ISM2: variants seen among roughly 807,000 people sequenced by gnomAD.
The protein encoded by ISM2 is isthmin 2, also known as isthmin-2.
ISM2 carries 50 observed loss-of-function variants against 58.0 expected under a neutral mutation model. That is an observed-to-expected ratio of 0.86 (90% CI 0.69 to 1.09). ISM2 has a LOEUF of 1.09. ISM2 is among the 50% of genes least tolerant of loss of function. ISM2 has a pLI of 0.00. For missense variants in ISM2, 723 were observed against 745.0 expected (o/e 0.97, Z 0.34); for synonymous variants, 303 against 312.4 (o/e 0.97, Z 0.32).
At position 77,475,766 on chromosome 14, in the gene ISM2, G is replaced by A. The variant is rs115471434; in HGVS notation, c.1545C>T (p.Thr515=). 1,429 of 1,613,622 alleles carry A rather than the reference G, an allele frequency of 8.9e-4. 9 individuals carry two copies. The African/African-American group carries it at 0.017, about 19-fold the overall frequency. Residue 515 remains threonine (T), a synonymous_variant, in exon 7 of 7, where the codon ACC becomes ACT. Transcript: ENST00000342219. This position sits in a 1 kb window ranked among gnomAD's most constrained non-coding sequence, Gnocchi z 4.1. Reference sequence around the variant, plus strand: ...TGAAGTGCAGCTTAGGTGAGAAGTCGGTGCTGATGAGGTTGGGCATGCCGG... The same window carrying A: ...TGAAGTGCAGCTTAGGTGAGAAGTCAGTGCTGATGAGGTTGGGCATGCCGG... The part of the protein sequence containing the change: ...KGAGMPNLIS[T]DFSPKLHFKF...
chr14:77,498,498 G>A, intron 1 of ISM2, 155 bp downstream of exon 1: 1 of 1,238,666 alleles, frequency 8.1e-7, no homozygotes, highest in Non-Finnish European at 1.1e-6. Context: ...GCAACGCCCG[G>A]TGTCCGGGAG....
At chr14:77,485,730 G>A (rs1036266680) in intron 1 of ISM2, among the ~76,000 whole-genome samples, 1 of 152,216 alleles carries the variant, frequency 6.6e-6, no homozygotes, top group Non-Finnish European at 1.5e-5. Flanking sequence ...TCCCAGAGCT[G>A]CCTTATGAGT....
intron 1 of ISM2, among the ~76,000 whole-genome samples, chr14:77,497,075 A>C (rs1223007524): frequency 6.6e-6 from 1 of 151,838 alleles, no homozygotes; most frequent in Non-Finnish European, 1.5e-5. Context: ...GTCATCTCAA[A>C]AATGGGAAGA....
chr14:77,494,226 G>A (rs1217643824), intron 1 of ISM2, among the ~76,000 whole-genome samples: 1 of 152,124 alleles, frequency 6.6e-6, no homozygotes, highest in Non-Finnish European at 1.5e-5. Context: ...CCATGTCAAA[G>A]TGGTGTAACA....
Position 77,498,803 on chromosome 14 carries a change from T to G in ISM2, c.-10A>C, listed in dbSNP as rs1315848350. 2.4e-5 allele frequency: 34 copies of G among 1,419,028 alleles called. No individual in the cohort carries two copies. The highest frequency in any genetic ancestry group is 3.0e-5 in the African/African-American group (2 of 66,372). 87.9% of individuals were successfully genotyped at this position (1,419,028 alleles called of 1,614,324 possible). ...CGCGGAGCGCACGCATCGTCTCGGT[T>G]CCGAGGCTGCTCTGCCTGCACCTCT... On this transcript the variant is annotated 5_prime_UTR_variant, in exon 1 of 7. Coordinates refer to ENST00000342219, the MANE Select transcript of ISM2 (RefSeq NM_199296.3).
In ISM2 at chr14:77,484,687, G is replaced by C; in HGVS notation, c.374C>G (p.Pro125Arg). 1.9e-6 allele frequency: 3 copies of C among 1,611,982 alleles called. No individual in the cohort carries two copies. Among genetic ancestry groups the C allele is most frequent in the South Asian group, 2.2e-5 (2 of 91,010 alleles). Residue 125 changes from proline (P) to arginine (R), a missense_variant, in exon 2 of 7, where the codon CCT becomes CGT. Pro to Arg is a moderately radical substitution (Grantham distance 103). Coordinates refer to ENST00000342219, the MANE Select transcript of ISM2 (RefSeq NM_199296.3). The part of the protein sequence containing the change: ...LANTTLSTPN[P>R]DTQASASPDP... The stretch of plus-strand genomic sequence containing the variant: ...TTCTGTAGCTCTCACCTGGGTATCA[G>C]GGTTAGGGGTACTCAAGGTTGTGTT...
intron 1 of ISM2, among the ~76,000 whole-genome samples, chr14:77,496,959 G>C (rs1004920909): frequency 1.3e-5 from 2 of 151,878 alleles, no homozygotes; most frequent in Non-Finnish European, 2.9e-5. Context: ...TCCTTCCCAC[G>C]GCCTTTGGAG....
chr14:77,485,309 CAG>C (rs1012360041), intron 1 of ISM2, among the ~76,000 whole-genome samples: 12 of 152,356 alleles, frequency 7.9e-5, no homozygotes, highest in African/African-American at 2.9e-4. Context: ...CCTCACAGGC[CAG>C]AGGAGAAAGG....
chr14:77,475,790 G>A lies in ISM2; in HGVS notation c.1521C>T (p.Ala507=), dbSNP rs774522791. 9.3e-6 allele frequency: 15 copies of A among 1,613,130 alleles called. No homozygotes were observed. In the African/African-American group the frequency reaches 1.3e-4, roughly 14 times the overall value. Residue 507 remains alanine, a synonymous_variant, in exon 7 of 7, where the codon GCC becomes GCT. Transcript: ENST00000342219. This position sits in a 1 kb window ranked among gnomAD's most constrained non-coding sequence, Gnocchi z 4.1. ...CGGTGCTGATGAGGTTGGGCATGCC[G>A]GCGCCCTTGCCACGGGTCAGCAGCC... ...DSRLLTRGKG[A]GMPNLISTDF... is the part of the protein sequence containing the mutation.
intron 1 of ISM2, among the ~76,000 whole-genome samples, chr14:77,488,896 G>A (rs4145507): frequency 0.96 from 145,985 of 152,206 alleles, 70,302 homozygotes; most frequent in East Asian, 1. Flanking sequence ...CTCCAGTCCT[G>A]TCTCACAAGA....
At chr14:77,486,511 C>T (rs1389637460) in intron 1 of ISM2, among the ~76,000 whole-genome samples, 1 of 152,166 alleles carries the variant, frequency 6.6e-6, no homozygotes, top group South Asian at 2.1e-4. Flanking sequence ...CAACTCAGCC[C>T]CTTCACTGAC....
At position 77,476,099 on chromosome 14, in the gene ISM2, A is replaced by G; in HGVS notation, c.1212T>C (p.Cys404=). The change falls in exon 7 of 7, where the codon TGT becomes TGC. Residue 404 remains cysteine, a synonymous_variant. Coordinates refer to ENST00000342219, the MANE Select transcript of ISM2 (RefSeq NM_199296.3). ...CGCTCTTGCAGTTCAGCCACTTCTC[A>G]CAGCTGTCCACATCTGCAAAGGGCC... The part of the protein sequence containing the change: ...TDMHDQDVDS[C]EKWLNCKSDF... 1 of 1,519,262 alleles carries G rather than the reference A, an allele frequency of 6.6e-7. No individual in the cohort carries two copies. Among genetic ancestry groups the G allele is most frequent in the Non-Finnish European group, 8.8e-7 (1 of 1,137,970 alleles). 94.1% of individuals were successfully genotyped at this position (1,519,262 alleles called of 1,614,324 possible). A position where few individuals can be genotyped will look rare whatever the true frequency, so the allele number is the denominator to read the frequency against.
chr14:77,478,276 G>A lies in ISM2; in HGVS notation c.1164C>T (p.Leu388=), dbSNP rs1055781117. The A allele has an allele frequency of 6.2e-7, 1 of 1,614,190 alleles. No individual in the cohort carries two copies. The highest frequency in any genetic ancestry group is 8.5e-7 in the Non-Finnish European group (1 of 1,180,014). The part of the protein sequence containing the change: ...TLGLPSEEWK[L]LARNATDMHD... ...GCATGTCCGTAGCATTGCGGGCCAG[G>A]AGCTTCCACTCCTCACTGGGGAGGC... Residue 388 remains leucine, a synonymous_variant, in exon 6 of 7, where the codon CTC becomes CTT. Transcript: ENST00000342219.
rs2079154673 is a variant in ISM2, at chr14:77,484,548, A to T, written c.402T>A (p.Asp134Glu). The T allele has an allele frequency of 3.8e-6, 6 of 1,594,598 alleles. No individual in the cohort carries two copies. Among genetic ancestry groups the T allele is most frequent in the Non-Finnish European group, 4.3e-6 (5 of 1,171,180 alleles). Residue 134 changes from aspartate (D) to glutamate (E), a missense_variant, in exon 3 of 7, where the codon GAT (aspartate) becomes GAA (glutamate). By Grantham distance (45) the Asp-to-Glu change is conservative (BLOSUM62 2). Transcript: ENST00000342219. Reference sequence around the variant, plus strand: ...CCTCCTCTTCCCTCAGAGGCCTAGGATCTGGGGAGGCTGAAGCCTGAGGAA... The same window carrying T: ...CCTCCTCTTCCCTCAGAGGCCTAGGTTCTGGGGAGGCTGAAGCCTGAGGAA... ...NPDTQASASP[D>E]PRPLREEEEA...
Position 77,482,490 on chromosome 14 carries a change from T to C in ISM2, c.805A>G (p.Lys269Glu), listed in dbSNP as rs2079138496. 1 of 1,614,162 alleles carries C rather than the reference T, an allele frequency of 6.2e-7. No individual in the cohort carries two copies. The highest frequency in any genetic ancestry group is 8.5e-7 in the Non-Finnish European group (1 of 1,180,020). Residue 269 changes from lysine to glutamate, a missense_variant, in exon 4 of 7, where the codon AAG becomes GAG. Transcript: ENST00000342219. ...GAAGGATAGTCCTCGTCTTCCTCCT[T>C]TTCCTCCCCCTTCTCCCCTGGGGCC... ...DRAPGEKGEE[K>E]EEDEDYPSED...
intron 1 of ISM2, among the ~76,000 whole-genome samples, chr14:77,494,670 T>C (rs1351532819): frequency 6.6e-6 from 1 of 152,114 alleles, no homozygotes; most frequent in Non-Finnish European, 1.5e-5. Context: ...GTGCTGAGAT[T>C]ACAGGTGTGA....
At chr14:77,492,449 C>G (rs895624153) in intron 1 of ISM2, among the ~76,000 whole-genome samples, 3 of 150,614 alleles carry the variant, frequency 2.0e-5, no homozygotes, top group African/African-American at 4.9e-5. Context: ...CTAACTAGAA[C>G]AGAAAATACC....
intron 1 of ISM2, among the ~76,000 whole-genome samples, chr14:77,485,397 G>A (rs1216037251): frequency 1.3e-5 from 2 of 152,222 alleles, no homozygotes; most frequent in Non-Finnish European, 1.5e-5. Flanking sequence ...GCTCCTGTCC[G>A]CTAGGCCCCA....
intron 6 of ISM2, among the ~76,000 whole-genome samples, chr14:77,477,210 C>T (rs538629138): frequency 3.3e-5 from 5 of 152,304 alleles, no homozygotes; most frequent in South Asian, 2.1e-4. Flanking sequence ...CGGCTGGCCA[C>T]GTGGGAATGT....
Sources: allele counts gnomAD v4.1 joint callset (sites outside exome capture counted in the v4.1 genomes callset), GRCh38; gene constraint gnomAD v4.1.1; non-coding constraint Gnocchi (gnomAD v3.1); transcripts MANE v1.5; gene names NCBI Gene and HGNC (gene_info 2026-07-23, HGNC 2026-07-21).